The following PLSCR2 variants were observed in gnomAD, a reference collection of about 807,000 sequenced individuals.
PLSCR2 encodes the protein phospholipid scramblase 2.
Under a neutral mutation model 25.3 loss-of-function variants are expected in PLSCR2, and 18 were observed. The ratio of observed to expected loss-of-function variants is 0.71; its 90% CI spans 0.49 to 1.06. PLSCR2 has a LOEUF of 1.06. Among genes scored for constraint, PLSCR2 ranks in the 50% least tolerant of loss-of-function variants. The probability of loss-of-function intolerance (pLI) is 0.00; values close to 1 mark genes in which losing one functional copy is unlikely to be tolerated. For synonymous variants in PLSCR2, 88 were observed against 87.3 expected (o/e 1.01, Z -0.04); for missense variants, 243 against 269.5 (o/e 0.90, Z 0.69).
At position 146,441,822 on chromosome 3, in the gene PLSCR2, C is replaced by T; in HGVS notation, c.646-1G>A. 1 of 1,582,136 alleles carries T rather than the reference C, an allele frequency of 6.3e-7. No homozygotes were observed. Among genetic ancestry groups the T allele is most frequent in the African/African-American group, 1.4e-5 (1 of 73,834 alleles). On this transcript the variant is annotated splice_acceptor_variant, in intron 6 of 6. Transcript: ENST00000610787. LOFTEE classifies it high-confidence loss of function. Reference sequence around the variant, plus strand: ...TAGTTCTTTCAAAAAACATGTAGTCCTGGATAAAAACAAAAATACAGAAAT... The same window carrying T: ...TAGTTCTTTCAAAAAACATGTAGTCTTGGATAAAAACAAAAATACAGAAAT...
chr3:146,393,837 A>G (rs896796913), intron 3 of PLSCR2, among the ~76,000 whole-genome samples: 1 of 151,826 alleles, frequency 6.6e-6, no homozygotes, highest in Non-Finnish European at 1.5e-5. Flanking sequence ...TCTAAATAAG[A>G]CCATTAATCA....
chr3:146,485,863 T>C (rs2043322203), intron 1 of PLSCR2, among the ~76,000 whole-genome samples: 1 of 152,066 alleles, frequency 6.6e-6, no homozygotes, highest in African/African-American at 2.4e-5. Context: ...CTTACATGAA[T>C]GGCAGCAGGC....
chr3:146,449,760 C>A (rs918370112), intron 5 of PLSCR2, among the ~76,000 whole-genome samples: 3 of 152,140 alleles, frequency 2.0e-5, no homozygotes, highest in African/African-American at 7.2e-5. Context: ...TCCTATTAGA[C>A]TTCTGCTTTT....
At chr3:146,419,418 A>G (rs2039078779) in intron 2 of PLSCR2, among the ~76,000 whole-genome samples, 1 of 152,074 alleles carries the variant, frequency 6.6e-6, no homozygotes, top group Admixed American at 6.6e-5. Context: ...GCTTAAACCC[A>G]TTACACAATT....
At chr3:146,428,539 G>GT (rs1251543568), downstream of PLSCR2, among the ~76,000 whole-genome samples, 2 of 152,186 alleles carry the variant, frequency 1.3e-5, no homozygotes, top group Admixed American at 6.5e-5. Context: ...TGTGGGAATA[G>GT]TAAGTTCAGA....
chr3:146,484,851 G>A (rs2043284379), intron 1 of PLSCR2, among the ~76,000 whole-genome samples: 1 of 152,016 alleles, frequency 6.6e-6, no homozygotes, highest in Non-Finnish European at 1.5e-5. Flanking sequence ...AAAAGATAAA[G>A]ACCAATGACA....
chr3:146,462,740 T>C (rs1349420808), upstream of PLSCR2, among the ~76,000 whole-genome samples: 1 of 151,978 alleles, frequency 6.6e-6, no homozygotes, highest in Non-Finnish European at 1.5e-5. Flanking sequence ...GCTGGGATTA[T>C]AGTCGTGAGT....
chr3:146,402,526 G>A (rs2038512100), intron 2 of PLSCR2, among the ~76,000 whole-genome samples: 1 of 151,738 alleles, frequency 6.6e-6, no homozygotes, highest in Non-Finnish European at 1.5e-5. Flanking sequence ...GGAGTGCAGT[G>A]GCACAGTCTC....
At chr3:146,484,156 TA>T (rs1560055942) in intron 1 of PLSCR2, among the ~76,000 whole-genome samples, 3 of 150,204 alleles carry the variant, frequency 2.0e-5, no homozygotes, top group African/African-American at 7.4e-5. Context: ...ACAAGTAAAA[TA>T]GCCAAATCGA....
intron 1 of PLSCR2, among the ~76,000 whole-genome samples, chr3:146,494,069 G>C (rs1325017205): frequency 1.3e-5 from 2 of 151,966 alleles, no homozygotes; most frequent in African/African-American, 4.8e-5. Flanking sequence ...ACAGCTCACT[G>C]TTCTATGATA....
At chr3:146,393,592 C>T (rs901978120) in intron 3 of PLSCR2, among the ~76,000 whole-genome samples, 12 of 151,624 alleles carry the variant, frequency 7.9e-5, no homozygotes, top group Non-Finnish European at 1.5e-4. Context: ...GGGCAGATCA[C>T]GAGGTCAAGA....
intron 2 of PLSCR2, among the ~76,000 whole-genome samples, chr3:146,426,335 C>T (rs946966363): frequency 3.3e-5 from 5 of 150,680 alleles, no homozygotes; most frequent in African/African-American, 7.3e-5. Context: ...CCATCAAAAT[C>T]GTATATGAAA....
chr3:146,417,305 G>A (rs1269757263), intron 2 of PLSCR2, among the ~76,000 whole-genome samples: 1 of 152,068 alleles, frequency 6.6e-6, no homozygotes, highest in African/African-American at 2.4e-5. Context: ...CAAATATTGT[G>A]TGAACTACTC....
chr3:146,463,617 A>G (rs1576690767), upstream of PLSCR2, among the ~76,000 whole-genome samples: 1 of 152,270 alleles, frequency 6.6e-6, no homozygotes, highest in Admixed American at 6.5e-5. Flanking sequence ...GTTAATTACA[A>G]TGAACACATC....
intron 2 of PLSCR2, among the ~76,000 whole-genome samples, chr3:146,422,234 A>G (rs1233340537): frequency 2.6e-5 from 4 of 152,030 alleles, no homozygotes; most frequent in African/African-American, 9.7e-5. Flanking sequence ...AAGAAAACAA[A>G]CAGGAATCTG....
intron 1 of PLSCR2, among the ~76,000 whole-genome samples, chr3:146,471,566 C>CTTTT: frequency 7.7e-6 from 1 of 129,786 alleles, no homozygotes; most frequent in Non-Finnish European, 1.7e-5. Context: ...AGATACAATT[C>CTTTT]TTTTTTTTTT....
intron 2 of PLSCR2, among the ~76,000 whole-genome samples, chr3:146,421,119 AG>A (rs2039134751): frequency 6.6e-6 from 1 of 152,056 alleles, no homozygotes; most frequent in South Asian, 2.1e-4. Flanking sequence ...AGGACAAAAG[AG>A]GCTTGTACAT....
At chr3:146,427,488 A>C (rs1252189367) in intron 2 of PLSCR2, among the ~76,000 whole-genome samples, 5 of 152,148 alleles carry the variant, frequency 3.3e-5, no homozygotes, top group Non-Finnish European at 5.9e-5. Flanking sequence ...CTAACAAGGC[A>C]CTGCATTATC....
chr3:146,401,670 G>A (rs1022930772), intron 2 of PLSCR2: 1 of 152,190 alleles, frequency 6.6e-6, no homozygotes, highest in African/African-American at 2.4e-5. Flanking sequence ...TAAACTGCTC[G>A]AATTTAGTTA....
Sources: gnomAD v4.1 joint callset for allele counts (sites outside exome capture counted in the v4.1 genomes callset) on GRCh38, gnomAD v4.1.1 for gene constraint, MANE v1.5 for transcripts, NCBI Gene and HGNC (gene_info 2026-07-23, HGNC 2026-07-21) for gene names.